The following CNTNAP5 variants were observed in gnomAD, a reference collection of about 807,000 sequenced individuals.
CNTNAP5 encodes contactin-associated protein-like 5.
Under a neutral mutation model 150.2 loss-of-function variants are expected in CNTNAP5, and 72 were observed. That is an observed-to-expected ratio of 0.48 (90% CI 0.40 to 0.58). The LOEUF (loss-of-function observed/expected upper bound fraction) is 0.58. Ranked by LOEUF, CNTNAP5 falls within the 20% of genes least tolerant of loss-of-function variation. CNTNAP5 has a pLI of 0.00. For synonymous variants in CNTNAP5, 672 were observed against 619.8 expected (o/e 1.08, Z -1.25); for missense variants, 1,636 against 1,626.2 (o/e 1.01, Z -0.10).
intron 22 of CNTNAP5, among the ~76,000 whole-genome samples, chr2:124,907,708 C>T (rs968697737): frequency 6.6e-6 from 1 of 150,512 alleles, no homozygotes; most frequent in Non-Finnish European, 1.5e-5. Context: ...TTGTTAAAGA[C>T]AATTTAGACA....
rs115582492 is a variant in CNTNAP5 at position 124,224,131 on chromosome 2, G to A, written c.187+2322G>A. 2.4e-4 allele frequency among the ~76,000 whole-genome samples: 37 copies of A among 152,124 alleles called. No homozygotes were observed. The East Asian group carries it at 7.2e-3, about 30-fold the overall frequency. On this transcript the variant is annotated intron_variant, in intron 2 of 23. Coordinates refer to ENST00000682447, the MANE Select transcript of CNTNAP5 (RefSeq NM_001367498.1). ...ATTGTCTTGGATGGGACCCAAGCAAGGATATTGATAAAGTGAAGAAACAAA... is the reference window on the plus strand; with the variant it reads ...ATTGTCTTGGATGGGACCCAAGCAAAGATATTGATAAAGTGAAGAAACAAA...
intron 2 of CNTNAP5, among the ~76,000 whole-genome samples, chr2:124,228,451 A>T (rs1170616): frequency 0.18 from 27,686 of 152,070 alleles, 2,828 homozygotes; most frequent in East Asian, 0.35. Flanking sequence ...CACCTAATAG[A>T]AACCATCACA....
At chr2:124,547,904 C>T (rs1205804858) in intron 10 of CNTNAP5, among the ~76,000 whole-genome samples, 3 of 152,174 alleles carry the variant, frequency 2.0e-5, no homozygotes, top group Non-Finnish European at 4.4e-5. Context: ...TCAGCATTTC[C>T]TGAAGCTATG....
intron 3 of CNTNAP5, among the ~76,000 whole-genome samples, chr2:124,261,768 G>A (rs541616737): frequency 6.6e-6 from 1 of 152,156 alleles, no homozygotes; most frequent in South Asian, 2.1e-4. Flanking sequence ...GGCTGTTCAG[G>A]TACCAGTCCT....
chr2:124,194,393 AT>A (rs1558795459), intron 1 of CNTNAP5, among the ~76,000 whole-genome samples: 53 of 12,488 alleles, frequency 4.2e-3, no homozygotes, highest in Admixed American at 7.3e-3. Context: ...ATATATATAT[AT>A]ATATATATAT....
At chr2:124,158,854 G>T (rs534822765) in intron 1 of CNTNAP5, among the ~76,000 whole-genome samples, 1 of 152,306 alleles carries the variant, frequency 6.6e-6, no homozygotes, top group South Asian at 2.1e-4. Context: ...CGCCTGGCAG[G>T]TATGGGACAG....
intron 10 of CNTNAP5, among the ~76,000 whole-genome samples, chr2:124,554,916 G>T (rs1221459385): frequency 6.6e-6 from 1 of 152,096 alleles, no homozygotes; most frequent in Non-Finnish European, 1.5e-5. Flanking sequence ...AAAGAAAAAT[G>T]AGATATTCAT....
At position 124,173,455 on chromosome 2, in the gene CNTNAP5, C is replaced by T. The variant is rs529851061; in HGVS notation, c.83-48250C>T. Among the ~76,000 whole-genome samples the T allele has an allele frequency of 9.2e-5, 14 of 152,310 alleles. No homozygotes were observed. The South Asian group carries it at 2.5e-3, about 27-fold the overall frequency. On this transcript the variant is annotated intron_variant, in intron 1 of 23. Coordinates refer to ENST00000682447, the MANE Select transcript of CNTNAP5 (RefSeq NM_001367498.1). ...AAGTTCCTGAAGGAAATTAAAAGTG[C>T]TACCTCAGTGAGCCCACAAATGATA...
intron 21 of CNTNAP5, among the ~76,000 whole-genome samples, chr2:124,882,432 T>C (rs1677982626): frequency 6.6e-6 from 1 of 152,066 alleles, no homozygotes; most frequent in African/African-American, 2.4e-5. Context: ...TACAGAACAA[T>C]TGATCTTTAA....
At chr2:124,367,339 G>A (rs546934238) in intron 3 of CNTNAP5, among the ~76,000 whole-genome samples, 1 of 152,164 alleles carries the variant, frequency 6.6e-6, no homozygotes, top group Non-Finnish European at 1.5e-5. Flanking sequence ...GAGGCCTCAG[G>A]AAACTTACAA....
chr2:124,495,654 T>C (rs1329836016), intron 7 of CNTNAP5, among the ~76,000 whole-genome samples: 4 of 152,216 alleles, frequency 2.6e-5, no homozygotes, highest in Admixed American at 6.5e-5. Context: ...ATGTGCACGA[T>C]CTTTATCCTT....
intron 1 of CNTNAP5, among the ~76,000 whole-genome samples, chr2:124,150,522 A>G (rs995167361): frequency 5.3e-5 from 8 of 152,178 alleles, no homozygotes; most frequent in African/African-American, 1.9e-4. Flanking sequence ...AACAGACATT[A>G]ACTTCTCACA....
intron 13 of CNTNAP5, among the ~76,000 whole-genome samples, chr2:124,678,073 A>T (rs894838450): frequency 3.3e-5 from 5 of 151,752 alleles, no homozygotes; most frequent in African/African-American, 1.2e-4. Context: ...CTGTTGTCTT[A>T]CATCCCCATC....
chr2:124,536,300 G>A (rs1433235036), intron 10 of CNTNAP5, among the ~76,000 whole-genome samples: 1 of 152,158 alleles, frequency 6.6e-6, no homozygotes, highest in Non-Finnish European at 1.5e-5. Flanking sequence ...TCTCTCCATA[G>A]TCTGCAAGGC....
intron 3 of CNTNAP5, among the ~76,000 whole-genome samples, chr2:124,373,371 A>G (rs1044500738): frequency 5.3e-5 from 8 of 152,144 alleles, no homozygotes; most frequent in Non-Finnish European, 1.0e-4. Flanking sequence ...ATTTCCCTAA[A>G]GGGGAATTAT....
intron 1 of CNTNAP5, among the ~76,000 whole-genome samples, chr2:124,199,112 T>C (rs996819695): frequency 1.3e-5 from 2 of 152,160 alleles, no homozygotes; most frequent in African/African-American, 4.8e-5. Context: ...TTCAGGAATA[T>C]CTTGCATATT....
At chr2:124,431,689 T>A (rs964778806) in intron 4 of CNTNAP5, among the ~76,000 whole-genome samples, 10 of 146,890 alleles carry the variant, frequency 6.8e-5, no homozygotes, top group Admixed American at 6.1e-4. Context: ...TAAATAAATT[T>A]TAATAAATAA....
intron 6 of CNTNAP5, 134 bp downstream of exon 6, chr2:124,447,071 CT>C: frequency 1.3e-6 from 1 of 793,836 alleles, no homozygotes. Context: ...CTTCCTCCAT[CT>C]ATGCCAGATA....
intron 1 of CNTNAP5, among the ~76,000 whole-genome samples, chr2:124,081,126 T>C (rs1429009163): frequency 2.0e-5 from 3 of 152,194 alleles, no homozygotes; most frequent in East Asian, 3.9e-4. Flanking sequence ...AGAGTATATA[T>C]GCCTTACTAT....
Sources: gnomAD v4.1 joint callset for allele counts (sites outside exome capture counted in the v4.1 genomes callset) on GRCh38, gnomAD v4.1.1 for gene constraint, MANE v1.5 for transcripts, NCBI Gene and HGNC (gene_info 2026-07-23, HGNC 2026-07-21) for gene names.